Variants in TMPRSS15 observed in about 807,000 individuals in gnomAD.
TMPRSS15 encodes the protein transmembrane serine protease 15.
In TMPRSS15, 128 loss-of-function variants were observed where a neutral mutation model predicts 125.3. The ratio of observed to expected loss-of-function variants is 1.02; its 90% confidence interval spans 0.89 to 1.18. The LOEUF is 1.18. Ranked by LOEUF, TMPRSS15 falls within the 50% of genes most tolerant of loss-of-function variation. The pLI, the probability that TMPRSS15 is intolerant of heterozygous loss-of-function variation, is 0.00. For missense variants in TMPRSS15, 1,283 were observed against 1,212.7 expected, an observed-to-expected ratio of 1.06 and a Z score of -0.86; for synonymous variants, 446 against 423.2, an observed-to-expected ratio of 1.05 and a Z score of -0.66.
In TMPRSS15 at chr21:18,379,278, C is replaced by A; in HGVS notation, c.532+5G>T. The A allele has an allele frequency of 7.6e-7, 1 of 1,307,484 alleles. No individual in the cohort carries two copies. The highest frequency in any genetic ancestry group is 1.0e-6 in the Non-Finnish European group (1 of 999,976). The allele number at this position is 1,307,484 out of a possible 1,614,324, so 81.0% of individuals were successfully genotyped here. The stretch of plus-strand genomic sequence containing the variant: ...AAAAATAATAATAATATTATTAAAA[C>A]TGACCTGGAGTTGCCAGATGACTGG... On this transcript the variant is annotated splice_donor_5th_base_variant and intron_variant, in intron 5 of 24. Transcript: ENST00000284885.
At chr21:18,313,258 A>G (rs2075120738) in intron 17 of TMPRSS15, among the ~76,000 whole-genome samples, 181 bp from the exon 18 acceptor site, 1 of 152,038 alleles carries the variant, frequency 6.6e-6, no homozygotes, top group Non-Finnish European at 1.5e-5. Context: ...ATTTTGCAAA[A>G]TTTCAAATTT....
chr21:18,391,714 CAGGGGGG>C (rs2075992241), intron 3 of TMPRSS15, among the ~76,000 whole-genome samples: 1 of 152,186 alleles, frequency 6.6e-6, no homozygotes, highest in African/African-American at 2.4e-5. Context: ...AGAGTCAGCC[CAGGGGGG>C]ACTCTGTGTG....
chr21:18,461,172 G>A (rs1434941392), intron 1 of TMPRSS15, among the ~76,000 whole-genome samples: 1 of 152,152 alleles, frequency 6.6e-6, no homozygotes, highest in African/African-American at 2.4e-5. Flanking sequence ...CCAATGAGAC[G>A]TAAGATCTCC....
chr21:18,293,419 A>G (rs1405558929), intron 21 of TMPRSS15, among the ~76,000 whole-genome samples: 1 of 152,184 alleles, frequency 6.6e-6, no homozygotes, highest in East Asian at 1.9e-4. Context: ...GGGTAAGGTC[A>G]TTCACTGGAC....
intron 18 of TMPRSS15, among the ~76,000 whole-genome samples, chr21:18,303,922 A>C (rs1029687960): frequency 6.6e-6 from 1 of 152,204 alleles, no homozygotes; most frequent in Non-Finnish European, 1.5e-5. Context: ...AAGAAACGAC[A>C]TTTCACAAAA....
chr21:18,333,439 C>A (rs1341656439), intron 13 of TMPRSS15, among the ~76,000 whole-genome samples: 1 of 152,090 alleles, frequency 6.6e-6, no homozygotes, highest in Non-Finnish European at 1.5e-5. Context: ...AAAATCCCTA[C>A]TGTAGAAAAT....
At chr21:18,337,309 G>A (rs1194243501) in intron 13 of TMPRSS15, among the ~76,000 whole-genome samples, 1 of 152,188 alleles carries the variant, frequency 6.6e-6, no homozygotes, top group Non-Finnish European at 1.5e-5. Context: ...ACTATAGCTA[G>A]GTGTTTTGTT....
rs73895611 is a variant in TMPRSS15 at position 18,430,717 on chromosome 21, G to A, written c.11-32388C>T. The stretch of plus-strand genomic sequence containing the variant: ...TGATCAAGGTTTTCCAATCATTTCC[G>A]GATACAAGTAATCATGAGACACAGG... On this transcript the variant is annotated intron_variant, in intron 1 of 7. Coordinates refer to the TMPRSS15 transcript ENST00000422787. Among the ~76,000 whole-genome samples the A allele has an allele frequency of 6.1e-3, 932 of 152,146 alleles. 7 individuals carry two copies. Among genetic ancestry groups the A allele is most frequent in the Middle Eastern group, 0.024 (7 of 294 alleles).
intron 1 of TMPRSS15, among the ~76,000 whole-genome samples, chr21:18,474,295 ATTTT>A (rs67852303): frequency 6.9e-6 from 1 of 144,772 alleles, no homozygotes; most frequent in Non-Finnish European, 1.5e-5. Context: ...ACATTTTGCT[ATTTT>A]TTTTTTTTGA....
chr21:18,412,521 T>A (rs2076168581), intron 1 of TMPRSS15, among the ~76,000 whole-genome samples: 1 of 152,246 alleles, frequency 6.6e-6, no homozygotes, highest in Admixed American at 6.5e-5. Flanking sequence ...ATTTCATGTT[T>A]CTGACTATGT....
At chr21:18,315,440 C>T (rs1334916337) in intron 16 of TMPRSS15, among the ~76,000 whole-genome samples, 184 bp from the exon 17 acceptor site, 1 of 46,220 alleles carries the variant, frequency 2.2e-5, no homozygotes, top group Non-Finnish European at 6.6e-5. Context: ...CATGTATACA[C>T]AATAACAAAC....
Position 18,397,892 on chromosome 21 carries a change from C to T in TMPRSS15, c.331G>A (p.Val111Ile), listed in dbSNP as rs935972177. 2 of 1,543,610 alleles carry T rather than the reference C, an allele frequency of 1.3e-6. No homozygotes were observed. The highest frequency in any genetic ancestry group is 1.8e-6 in the Non-Finnish European group (2 of 1,130,028). ...AGCTATACTCACTCAAATTGTAAAA[C>T]TCTTGAGTTCTTATATTCATTCTTC... ...NLKNEYKNSR[V>I]LQFENGSIIV... The change falls in exon 3 of 25, where the codon GTT (valine) becomes ATT (isoleucine). Residue 111 changes from valine (V) to isoleucine (I), a missense_variant. Physicochemically the swap from Val to Ile is conservative, Grantham distance 29. Transcript: ENST00000284885.
At position 18,312,936 on chromosome 21, in the gene TMPRSS15, A is replaced by AG. The variant is rs1333221069; in HGVS notation, c.2165+8_2165+9insC. The AG allele has an allele frequency of 1.9e-6, 3 of 1,613,584 alleles. No homozygotes were observed. Among genetic ancestry groups the AG allele is most frequent in the Non-Finnish European group, 2.5e-6 (3 of 1,179,552 alleles). Reference sequence around the variant, plus strand: ...ATCTCTTAAAAAGGAACTCAGTAGAATTACTTACCCTAGTCCCAGCAGTTG... The same window carrying AG: ...ATCTCTTAAAAAGGAACTCAGTAGAAGTTACTTACCCTAGTCCCAGCAGTTG... On this transcript the variant is annotated intron_variant, in intron 18 of 24. Transcript: ENST00000284885.
At position 18,309,402 on chromosome 21, in the gene TMPRSS15, C is replaced by T. The variant is rs948099801; in HGVS notation, c.2165+3543G>A. Among the ~76,000 whole-genome samples the T allele has an allele frequency of 9.9e-4, 150 of 152,048 alleles. 3 individuals carry two copies. Among genetic ancestry groups the T allele is most frequent in the Admixed American group, 9.6e-3 (146 of 15,248 alleles). ...CAATGGCAACAAAAGCCAAAATTGA[C>T]AAATGGGATGTAATTAAACTAAAGA... On this transcript the variant is annotated intron_variant, in intron 18 of 24. Transcript: ENST00000284885.
At chr21:18,426,416 G>C (rs1023332876) in intron 1 of TMPRSS15, among the ~76,000 whole-genome samples, 1 of 152,102 alleles carries the variant, frequency 6.6e-6, no homozygotes, top group Non-Finnish European at 1.5e-5. Context: ...AATTTTATAA[G>C]GGGCTTAACT....
intron 13 of TMPRSS15, among the ~76,000 whole-genome samples, chr21:18,332,436 T>G (rs968341187): frequency 6.6e-6 from 1 of 152,224 alleles, no homozygotes; most frequent in African/African-American, 2.4e-5. Flanking sequence ...AAAGTGTTCA[T>G]GTCCTTTGCC....
intron 1 of TMPRSS15, among the ~76,000 whole-genome samples, chr21:18,435,312 C>A (rs2076225423): frequency 6.6e-6 from 1 of 152,196 alleles, no homozygotes; most frequent in Non-Finnish European, 1.5e-5. Context: ...CCCATCAATA[C>A]CTAATTCATT....
chr21:18,396,702 A>G (rs1255816839), intron 3 of TMPRSS15, among the ~76,000 whole-genome samples: 3 of 146,918 alleles, frequency 2.0e-5, no homozygotes, highest in African/African-American at 7.5e-5. Context: ...TGAACCTGGG[A>G]GGTGGAGCTT....
intron 24 of TMPRSS15, among the ~76,000 whole-genome samples, chr21:18,272,270 A>AGAT (rs2074566821): frequency 6.6e-6 from 1 of 152,158 alleles, no homozygotes; most frequent in African/African-American, 2.4e-5. Context: ...GACTGGCATG[A>AGAT]GATGGTATCT....
Sources: gnomAD v4.1 joint callset for allele counts (sites outside exome capture counted in the v4.1 genomes callset) on GRCh38, gnomAD v4.1.1 for gene constraint, MANE v1.5 for transcripts, NCBI Gene and HGNC (gene_info 2026-07-23, HGNC 2026-07-21) for gene names.